ERBB4: variants seen among roughly 807,000 people sequenced by gnomAD.
ERBB4 encodes receptor tyrosine-protein kinase erbB-4.
A neutral mutation model predicts 158.0 loss-of-function variants in ERBB4; 42 were observed. The observed-to-expected ratio is 0.27, with a 90% CI of 0.21 to 0.34. The LOEUF is 0.34. Ranked by LOEUF, ERBB4 falls within the 10% of genes least tolerant of loss-of-function variation. The pLI, the probability that ERBB4 is intolerant of heterozygous loss-of-function variation, is 1.00. For missense variants in ERBB4, 1,333 were observed against 1,624.1 expected (o/e 0.82, Z 3.08); for synonymous variants, 583 against 558.7 (o/e 1.04, Z -0.61).
chr2:212,305,958 A>G (rs1186914793), intron 1 of ERBB4, among the ~76,000 whole-genome samples: 2 of 151,402 alleles, frequency 1.3e-5, no homozygotes, highest in African/African-American at 2.4e-5. Context: ...ATTTATTTGA[A>G]GCCAATGATA....
rs569643778 is a variant in ERBB4 at position 211,573,991 on chromosome 2, T to C, written c.2302-11903A>G. 7.9e-5 allele frequency among the ~76,000 whole-genome samples: 12 copies of C among 152,324 alleles called. No homozygotes were observed. In the South Asian group the frequency reaches 1.9e-3, roughly 24 times the overall value. ...TAATTCATTTGGTAAGTAACATATA[T>C]ATGTAATTGCTAAATGATACAGTAC... On this transcript the variant is annotated intron_variant, in intron 19 of 27. Coordinates refer to ENST00000342788, the MANE Select transcript of ERBB4 (RefSeq NM_005235.3).
intron 1 of ERBB4, among the ~76,000 whole-genome samples, chr2:212,442,016 C>A (rs1244002876): frequency 3.3e-5 from 5 of 152,100 alleles, no homozygotes; most frequent in Non-Finnish European, 2.9e-5. Flanking sequence ...CACTCAACTA[C>A]AAAATTTAAA....
chr2:211,876,364 G>A (rs1251212973), intron 3 of ERBB4, among the ~76,000 whole-genome samples: 1 of 152,126 alleles, frequency 6.6e-6, no homozygotes, highest in Non-Finnish European at 1.5e-5. Flanking sequence ...TTAAAGAATG[G>A]CAAGACAGAG....
chr2:211,909,066 T>C (rs545545480), intron 3 of ERBB4, among the ~76,000 whole-genome samples: 108 of 151,816 alleles, frequency 7.1e-4, no homozygotes, highest in African/African-American at 2.4e-3. Context: ...TAGAATATTA[T>C]AAACAAGTAA....
intron 19 of ERBB4, among the ~76,000 whole-genome samples, chr2:211,569,437 C>G (rs2067649095): frequency 6.6e-6 from 1 of 152,172 alleles, no homozygotes; most frequent in Admixed American, 6.5e-5. Flanking sequence ...CCTCAGGAAG[C>G]TTTCATTCTA....
At chr2:212,507,782 T>C (rs191467257) in intron 1 of ERBB4, among the ~76,000 whole-genome samples, 1 of 152,316 alleles carries the variant, frequency 6.6e-6, no homozygotes, top group Non-Finnish European at 1.5e-5. Context: ...GTGAATATAC[T>C]ATAAACATGG....
intron 16 of ERBB4, among the ~76,000 whole-genome samples, chr2:211,643,568 T>C (rs1473607450): frequency 1.3e-5 from 2 of 152,146 alleles, no homozygotes; most frequent in African/African-American, 2.4e-5. Context: ...GCATTTTAAC[T>C]GTCAAATGCA....
At chr2:211,612,287 T>G (rs556878822) in intron 19 of ERBB4, among the ~76,000 whole-genome samples, 21 of 152,230 alleles carry the variant, frequency 1.4e-4, no homozygotes, top group Admixed American at 1.4e-3. Flanking sequence ...GTCTCCTATG[T>G]GCTGATATTG....
intron 20 of ERBB4, among the ~76,000 whole-genome samples, chr2:211,530,741 T>C (rs1055233136): frequency 6.6e-6 from 1 of 151,810 alleles, no homozygotes; most frequent in Non-Finnish European, 1.5e-5. Flanking sequence ...TAGAAAAAAA[T>C]TGGCCAGGCC....
chr2:212,445,706 G>A (rs2092335648), intron 1 of ERBB4, among the ~76,000 whole-genome samples: 1 of 152,154 alleles, frequency 6.6e-6, no homozygotes, highest in Non-Finnish European at 1.5e-5. Flanking sequence ...GCCCAATCCA[G>A]GCAGGACTAC....
At position 211,745,710 on chromosome 2, in the gene ERBB4, C is replaced by T. The variant is rs188873294; in HGVS notation, c.622+4929G>A. ...TTTCATTGTGCCCCCCACCCTCCACCGCCAGAAAAAAAACAAAAACAAAAC... is the reference window on the plus strand; with the variant it reads ...TTTCATTGTGCCCCCCACCCTCCACTGCCAGAAAAAAAACAAAAACAAAAC... On this transcript the variant is annotated intron_variant, in intron 5 of 27. Transcript: ENST00000342788. Among the ~76,000 whole-genome samples the T allele has an allele frequency of 2.7e-3, 255 of 96,176 alleles. 1 individual carries two copies. The highest frequency in any genetic ancestry group is 6.8e-3 in the Middle Eastern group (1 of 146). The allele number at this position is 96,176 out of a possible 152,430, so 63.1% of individuals were successfully genotyped here. A position where few individuals can be genotyped will look rare whatever the true frequency, so the allele number is the denominator to read the frequency against.
At chr2:211,989,278 A>G (rs2082011982) in intron 2 of ERBB4, among the ~76,000 whole-genome samples, 1 of 151,942 alleles carries the variant, frequency 6.6e-6, no homozygotes, top group Admixed American at 6.6e-5. Context: ...CAAGTATTTT[A>G]TAAAATATTC....
At chr2:211,944,264 T>C (rs2125130313) in intron 3 of ERBB4, among the ~76,000 whole-genome samples, 1 of 146,196 alleles carries the variant, frequency 6.8e-6, no homozygotes, top group African/African-American at 2.5e-5. Flanking sequence ...CTCAAAACTC[T>C]TGGTTACAAC....
intron 1 of ERBB4, among the ~76,000 whole-genome samples, chr2:212,148,636 T>C (rs1289586988): frequency 6.6e-6 from 1 of 152,058 alleles, no homozygotes; most frequent in Non-Finnish European, 1.5e-5. Context: ...TACCACAGTT[T>C]AAGAATAGTA....
At chr2:212,529,904 CA>C (rs2106339086) in intron 1 of ERBB4, among the ~76,000 whole-genome samples, 2 of 152,138 alleles carry the variant, frequency 1.3e-5, no homozygotes, top group African/African-American at 4.8e-5. Flanking sequence ...AAGGGATCAG[CA>C]AAAGTAAGGA....
chr2:212,355,974 G>A (rs10932437), intron 1 of ERBB4, among the ~76,000 whole-genome samples: 149,195 of 152,026 alleles, frequency 0.98, 73,259 homozygotes, highest in Middle Eastern at 1. Flanking sequence ...TCCCACTGAC[G>A]CTAAGGAAAA....
intron 15 of ERBB4, among the ~76,000 whole-genome samples, chr2:211,661,064 A>AG (rs2071405665): frequency 6.6e-6 from 1 of 152,044 alleles, no homozygotes; most frequent in African/African-American, 2.4e-5. Flanking sequence ...GGAGGGACTG[A>AG]GGGAGCAGGA....
intron 13 of ERBB4, among the ~76,000 whole-genome samples, chr2:211,676,197 G>A (rs1243528639): frequency 2.0e-5 from 3 of 152,164 alleles, no homozygotes; most frequent in Non-Finnish European, 4.4e-5. Context: ...CAAGATGGAA[G>A]GTGGGCAATC....
intron 1 of ERBB4, among the ~76,000 whole-genome samples, chr2:212,204,711 A>AAAC (rs919478516): frequency 1.3e-5 from 2 of 148,418 alleles, no homozygotes; most frequent in African/African-American, 4.9e-5. Flanking sequence ...AAAAAAAACA[A>AAAC]AAAAAAAAAC....
Sources: allele counts gnomAD v4.1 joint callset (sites outside exome capture counted in the v4.1 genomes callset), GRCh38; gene constraint gnomAD v4.1.1; transcripts MANE v1.5; gene names NCBI Gene and HGNC (gene_info 2026-07-23, HGNC 2026-07-21).